The following MGAM2 variants were observed in gnomAD, a reference collection of about 807,000 sequenced individuals.
MGAM2 encodes the protein maltase-glucoamylase 2 (putative).
Under a neutral mutation model 96.1 loss-of-function variants are expected in MGAM2, and 98 were observed. The ratio of observed to expected loss-of-function variants is 1.02; its 90% CI spans 0.87 to 1.21. MGAM2 has a LOEUF of 1.21. MGAM2 is among the 50% of genes most tolerant of loss of function. MGAM2 has a pLI of 0.00. For synonymous variants in MGAM2, 749 were observed against 414.8 expected, an observed-to-expected ratio of 1.81 and a Z score of -9.79; for missense variants, 2,055 against 1,182.4, an observed-to-expected ratio of 1.74 and a Z score of -10.82.
In MGAM2 at chr7:142,146,142, GTTTT is replaced by G. The variant is rs71166565; in HGVS notation, c.1516+1212_1516+1215del. The stretch of plus-strand genomic sequence containing the variant: ...TTTCCACTCTGGATTAGTTTATCAT[GTTTT>G]TTTTTTTTTTTTTTCTTAATTTCTC... On this transcript the variant is annotated intron_variant, in intron 14 of 47. Coordinates refer to ENST00000477922, the MANE Select transcript of MGAM2 (RefSeq NM_001293626.2). Among the ~76,000 whole-genome samples, 62 of 108,962 alleles carry G rather than the reference GTTTT, an allele frequency of 5.7e-4. 1 individual carries two copies. In the Middle Eastern group the frequency reaches 0.018, roughly 32 times the overall value. The allele number at this position is 108,962 out of a possible 152,430, so 71.5% of individuals were successfully genotyped here.
chr7:142,172,038 T>G, intron 28 of MGAM2, 60 bp from the exon 29 acceptor site: 1 of 625,508 alleles, frequency 1.6e-6, no homozygotes, highest in African/African-American at 1.8e-5. Context: ...GCTGTTTGGG[T>G]TATGGTATGA....
chr7:142,221,216 T>G lies in MGAM2; in HGVS notation c.6705T>G (p.Ala2235=), dbSNP rs1217110606. The G allele has an allele frequency of 5.7e-6, 4 of 701,832 alleles. No homozygotes were observed. In the African/African-American group the frequency reaches 7.0e-5, roughly 12 times the overall value. 43.5% of individuals were successfully genotyped at this position (701,832 alleles called of 1,614,324 possible). The change falls in exon 48 of 48, where the codon GCT becomes GCG. Residue 2235 remains alanine, a synonymous_variant. Transcript: ENST00000477922. ...STDVASTNND[A]SMTNFLLATM... ...ATGTTGCTAGCACAAATAATGATGC[T>G]TCTATGACAAATTTTCTTTTAGCTA...
At chr7:142,195,062 A>G (rs1393820524) in intron 37 of MGAM2, among the ~76,000 whole-genome samples, 1 of 152,044 alleles carries the variant, frequency 6.6e-6, no homozygotes, top group Non-Finnish European at 1.5e-5. Flanking sequence ...TCGCTTTTTG[A>G]GGTACAGAAA....
intron 23 of MGAM2, among the ~76,000 whole-genome samples, chr7:142,164,124 A>G (rs994809754): frequency 1.3e-5 from 2 of 152,188 alleles, no homozygotes; most frequent in African/African-American, 4.8e-5. Flanking sequence ...CAGTTGCCCC[A>G]GCACCTTTGT....
intron 5 of MGAM2, 31 bp from the exon 6 acceptor site, chr7:142,131,900 G>C (rs1311109287): frequency 1.4e-6 from 1 of 692,874 alleles, no homozygotes; most frequent in Non-Finnish European, 2.6e-6. Flanking sequence ...GGTCTTATCT[G>C]CAGTTGTCCC....
At chr7:142,197,127 A>G (rs779279684) in intron 40 of MGAM2, among the ~76,000 whole-genome samples, 1 of 152,144 alleles carries the variant, frequency 6.6e-6, no homozygotes, top group East Asian at 1.9e-4. Context: ...TTCATCGAAG[A>G]TATGTTGGTG....
intron 3 of MGAM2, among the ~76,000 whole-genome samples, chr7:142,129,199 A>G (rs1386582975): frequency 6.6e-6 from 1 of 152,116 alleles, no homozygotes; most frequent in Non-Finnish European, 1.5e-5. Context: ...CATTTTGACC[A>G]ATTTCTCCCA....
intron 5 of MGAM2, 54 bp from the exon 6 acceptor site, chr7:142,131,877 T>A: frequency 1.5e-6 from 1 of 666,112 alleles, no homozygotes; most frequent in South Asian, 1.7e-5. Context: ...TGTAGCTCTG[T>A]CTACAAGGAA....
chr7:142,119,390 G>C (rs994982199), intron 2 of MGAM2, among the ~76,000 whole-genome samples: 21 of 152,136 alleles, frequency 1.4e-4, no homozygotes, highest in African/African-American at 3.1e-4. Flanking sequence ...CACCCACTAT[G>C]ATGACTATAA....
rs1238242589 is a variant in MGAM2 at position 142,196,555 on chromosome 7, C to T, written c.4481-10C>T. On this transcript the variant is annotated splice_polypyrimidine_tract_variant and intron_variant, in intron 38 of 47. Transcript: ENST00000477922. ...CCTTCCTCCAACACAGCTGTGTCTT[C>T]TCTTTGCAGGCATGATGGAGTTCAG... 2 of 717,126 alleles carry T rather than the reference C, an allele frequency of 2.8e-6. No individual in the cohort carries two copies. Among genetic ancestry groups the T allele is most frequent in the African/African-American group, 3.5e-5 (2 of 57,890 alleles). The allele number at this position is 717,126 out of a possible 1,614,324, so 44.4% of individuals were successfully genotyped here.
intron 46 of MGAM2, among the ~76,000 whole-genome samples, chr7:142,217,850 C>A (rs1267471382): frequency 6.6e-6 from 1 of 152,108 alleles, no homozygotes; most frequent in Admixed American, 6.6e-5. Flanking sequence ...CTTTGGGAGG[C>A]CGAGGCAGGA....
rs1795243138 is a variant in MGAM2 at position 142,141,942 on chromosome 7, G to A, written c.1317+823G>A. On this transcript the variant is annotated intron_variant, in intron 12 of 47. Transcript: ENST00000477922. ...AGAGTACTTTAAATCAAATCACATA[G>A]GCAATTTCAATTATATGTAGGGTCA... 2.6e-5 allele frequency among the ~76,000 whole-genome samples: 4 copies of A among 152,090 alleles called. No homozygotes were observed. In the South Asian group the frequency reaches 8.3e-4, roughly 32 times the overall value.
chr7:142,190,839 T>A (rs1183013964), intron 37 of MGAM2, among the ~76,000 whole-genome samples: 1 of 152,092 alleles, frequency 6.6e-6, no homozygotes, highest in South Asian at 2.1e-4. Flanking sequence ...TTTTTTTAAT[T>A]ATTATTGAGT....
In MGAM2 at chr7:142,183,950, C is replaced by CTTT. The variant is rs748299647; in HGVS notation, c.3924+615_3924+617dup. Among the ~76,000 whole-genome samples, 73 of 46,140 alleles carry CTTT rather than the reference C, an allele frequency of 1.6e-3. 24 individuals are homozygous for CTTT. The highest frequency in any genetic ancestry group is 2.9e-3 in the Non-Finnish European group (59 of 20,370). 30.3% of individuals were successfully genotyped at this position (46,140 alleles called of 152,430 possible). Reference sequence around the variant, plus strand: ...ACTGCTCTGGATGTATTCCAGGCTCCTTTTTTTTTTTTTTTTTTTTTTTTT... The same window carrying CTTT: ...ACTGCTCTGGATGTATTCCAGGCTCCTTTTTTTTTTTTTTTTTTTTTTTTTTTT... On this transcript the variant is annotated intron_variant, in intron 33 of 47. Coordinates refer to ENST00000477922, the MANE Select transcript of MGAM2 (RefSeq NM_001293626.2).
At chr7:142,113,322 C>T (rs974094208) in intron 1 of MGAM2, among the ~76,000 whole-genome samples, 2 of 151,956 alleles carry the variant, frequency 1.3e-5, no homozygotes, top group African/African-American at 4.8e-5. Context: ...TTAGGACGTG[C>T]CATGAAGACC....
At chr7:142,203,544 C>A (rs1797304944) in intron 45 of MGAM2, among the ~76,000 whole-genome samples, 1 of 152,058 alleles carries the variant, frequency 6.6e-6, no homozygotes, top group Admixed American at 6.6e-5. Flanking sequence ...ATAGCCAAAG[C>A]AATCCTAAGC....
chr7:142,134,201 C>G, intron 7 of MGAM2, 49 bp downstream of exon 7: 1 of 674,818 alleles, frequency 1.5e-6, no homozygotes, highest in East Asian at 2.7e-5. Flanking sequence ...GGATACCCTC[C>G]TTCCTTTCCT....
chr7:142,173,739 C>T (rs1169969345), intron 31 of MGAM2, among the ~76,000 whole-genome samples: 1 of 152,100 alleles, frequency 6.6e-6, no homozygotes, highest in Non-Finnish European at 1.5e-5. Context: ...ATATTAATCA[C>T]TTTAGTTATT....
intron 32 of MGAM2, among the ~76,000 whole-genome samples, chr7:142,177,580 A>T (rs1451848094): frequency 5.3e-5 from 8 of 152,064 alleles, no homozygotes. Flanking sequence ...ATCTATGTGT[A>T]CCCAGTACTT....
Sources: gnomAD v4.1 joint callset for allele counts (sites outside exome capture counted in the v4.1 genomes callset) on GRCh38, gnomAD v4.1.1 for gene constraint, MANE v1.5 for transcripts, NCBI Gene and HGNC (gene_info 2026-07-23, HGNC 2026-07-21) for gene names.